TMTC1: variants seen among roughly 807,000 people sequenced by gnomAD.
The protein encoded by TMTC1 is transmembrane O-mannosyltransferase targeting cadherins 1, also known as protein O-mannosyl-transferase TMTC1.
TMTC1 carries 73 observed loss-of-function variants against 104.8 expected under a neutral mutation model. That is an observed-to-expected ratio of 0.70 (90% CI 0.58 to 0.85). The LOEUF (loss-of-function observed/expected upper bound fraction) is 0.85. TMTC1 is among the 40% of genes least tolerant of loss of function. The probability of loss-of-function intolerance (pLI) is 0.00; values close to 1 mark genes in which losing one functional copy is unlikely to be tolerated. For synonymous variants in TMTC1, 434 were observed against 428.7 expected (o/e 1.01, Z -0.15); for missense variants, 1,035 against 1,096.1 (o/e 0.94, Z 0.79).
At chr12:29,758,807 C>T in intron 2 of TMTC1, 30 bp from the exon 3 acceptor site, 2 of 1,566,662 alleles carry the variant, frequency 1.3e-6, no homozygotes, top group Non-Finnish European at 1.7e-6. Context: ...AAAAATGAAA[C>T]TTCAGACAAT....
intron 2 of TMTC1, among the ~76,000 whole-genome samples, chr12:29,766,067 T>A (rs1943456465): frequency 1.3e-5 from 2 of 152,238 alleles, no homozygotes; most frequent in African/African-American, 4.8e-5. Flanking sequence ...AGAAAAGCTT[T>A]ACTGAGACTC....
At chr12:29,557,574 C>T (rs1345777847) in intron 9 of TMTC1, among the ~76,000 whole-genome samples, 1 of 152,236 alleles carries the variant, frequency 6.6e-6, no homozygotes, top group East Asian at 1.9e-4. Flanking sequence ...CTCAGCCTCC[C>T]AAGTAGCTGG....
At chr12:29,777,987 G>A (rs958794142) in intron 1 of TMTC1, among the ~76,000 whole-genome samples, 1 of 152,132 alleles carries the variant, frequency 6.6e-6, no homozygotes, top group African/African-American at 2.4e-5. Flanking sequence ...TTATTTTCAT[G>A]GTTGGCATAC....
At chr12:29,748,607 G>T (rs1311147418) in intron 5 of TMTC1, among the ~76,000 whole-genome samples, 1 of 152,180 alleles carries the variant, frequency 6.6e-6, no homozygotes, top group African/African-American at 2.4e-5. Flanking sequence ...ATAGCAATGG[G>T]AGTTACAACA....
rs1943607320 is a variant in TMTC1 at position 29,502,110 on chromosome 12, C to G, written c.*4736G>C. ...ACTGCAACCTCAATGCTAGATTTGA[C>G]AGGTACTTAATTCTTTTTAAATGTC... On this transcript the variant is annotated 3_prime_UTR_variant, in exon 18 of 18. Transcript: ENST00000539277. 1 of 152,096 alleles carries G rather than the reference C, an allele frequency of 6.6e-6. No individual in the cohort carries two copies. The highest frequency in any genetic ancestry group is 2.1e-4 in the South Asian group (1 of 4,834). The allele number at this position is 152,096 out of a possible 1,614,324, so 9.4% of individuals were successfully genotyped here.
intron 1 of TMTC1, among the ~76,000 whole-genome samples, chr12:29,780,208 T>C (rs1229633241): frequency 6.6e-6 from 1 of 152,198 alleles, no homozygotes; most frequent in Non-Finnish European, 1.5e-5. Context: ...TGAATTTTTA[T>C]AGCAGCTTTA....
In TMTC1 at chr12:29,562,218, G is replaced by A. The variant is rs191597060; in HGVS notation, c.1533-5218C>T. ...AGTTTTACCACTTTCATCTTGCACCGTACTCCTTCTGATCCATTACAGATA... is the reference window on the plus strand; with the variant it reads ...AGTTTTACCACTTTCATCTTGCACCATACTCCTTCTGATCCATTACAGATA... On this transcript the variant is annotated intron_variant, in intron 9 of 17. Coordinates refer to ENST00000539277, the MANE Select transcript of TMTC1 (RefSeq NM_001193451.2). Among the ~76,000 whole-genome samples the A allele has an allele frequency of 1.4e-4, 22 of 152,220 alleles. No individual in the cohort carries two copies. The East Asian group carries it at 2.5e-3, about 17-fold the overall frequency.
In TMTC1 at chr12:29,557,000, C is replaced by A; in HGVS notation, c.1533G>T (p.Lys511Asn). 1 of 1,613,634 alleles carries A rather than the reference C, an allele frequency of 6.2e-7. No homozygotes were observed. Among genetic ancestry groups the A allele is most frequent in the Non-Finnish European group, 8.5e-7 (1 of 1,179,892 alleles). Residue 511 changes from lysine (K) to asparagine (N), a missense_variant and splice_region_variant, in exon 10 of 18, where the codon AAG (lysine) becomes AAT (asparagine). Physicochemically the swap from Lys to Asn is moderately conservative, Grantham distance 94. Coordinates refer to ENST00000539277, the MANE Select transcript of TMTC1 (RefSeq NM_001193451.2). ...EAIYHYRTAL[K>N]LYPRHASALN... Reference sequence around the variant, plus strand: ...GCGCACTTGCATGGCGTGGATACAACCTGAAAAGTTAAAAATATTAAGCTG... The same window carrying A: ...GCGCACTTGCATGGCGTGGATACAAACTGAAAAGTTAAAAATATTAAGCTG...
At chr12:29,707,920 C>T (rs1941793286) in intron 5 of TMTC1, among the ~76,000 whole-genome samples, 1 of 152,156 alleles carries the variant, frequency 6.6e-6, no homozygotes, top group South Asian at 2.1e-4. Context: ...TTTCTAGCCC[C>T]TTGACACACA....
At chr12:29,636,740 C>T (rs145274554) in intron 5 of TMTC1, among the ~76,000 whole-genome samples, 53 of 151,704 alleles carry the variant, frequency 3.5e-4, no homozygotes, top group African/African-American at 1.2e-3. Flanking sequence ...ATCTCTTGAA[C>T]CTGGGAGGTG....
intron 5 of TMTC1, among the ~76,000 whole-genome samples, chr12:29,702,592 G>A (rs929701144): frequency 2.0e-5 from 3 of 152,126 alleles, no homozygotes; most frequent in African/African-American, 7.2e-5. Flanking sequence ...CAGAAATGAC[G>A]TTCCACCACC....
At chr12:29,665,998 A>G (rs931575801) in intron 5 of TMTC1, among the ~76,000 whole-genome samples, 2 of 151,930 alleles carry the variant, frequency 1.3e-5, no homozygotes, top group Admixed American at 1.3e-4. Context: ...TGTCCATGCT[A>G]TATTCAGAGT....
At chr12:29,566,366 C>T (rs776765336) in intron 9 of TMTC1, among the ~76,000 whole-genome samples, 8 of 152,088 alleles carry the variant, frequency 5.3e-5, no homozygotes, top group Admixed American at 4.6e-4. Flanking sequence ...TGGTGCAGGG[C>T]GAGCATGGAG....
intron 14 of TMTC1, among the ~76,000 whole-genome samples, chr12:29,517,201 A>C (rs1208242400): frequency 6.6e-6 from 1 of 152,230 alleles, no homozygotes; most frequent in Admixed American, 6.5e-5. Flanking sequence ...TAAATTTTTT[A>C]CTATTCTTGC....
intron 5 of TMTC1, among the ~76,000 whole-genome samples, chr12:29,673,502 G>A (rs1022770495): frequency 1.3e-5 from 2 of 151,930 alleles, no homozygotes; most frequent in Admixed American, 1.3e-4. Context: ...TTTCCTTCTA[G>A]ACCTAAGTGA....
At chr12:29,517,298 C>T (rs889827613) in intron 14 of TMTC1, 129 bp downstream of exon 14, 2 of 974,078 alleles carry the variant, frequency 2.1e-6, no homozygotes, top group African/African-American at 3.2e-5. Flanking sequence ...CTAACATTAG[C>T]TGTATGAATA....
At chr12:29,605,454 T>C (rs4931205) in intron 6 of TMTC1, among the ~76,000 whole-genome samples, 75,613 of 151,052 alleles carry the variant, frequency 0.5, 20,778 homozygotes, top group African/African-American at 0.73. Context: ...AAATAATTAA[T>C]GGATCTATAA....
intron 5 of TMTC1, among the ~76,000 whole-genome samples, chr12:29,638,954 C>T (rs1938700431): frequency 6.6e-6 from 1 of 152,242 alleles, no homozygotes; most frequent in African/African-American, 2.4e-5. Flanking sequence ...CAGGCCTACA[C>T]AGGCATTACC....
Position 29,652,156 on chromosome 12 carries a change from G to A in TMTC1, c.939-18820C>T, listed in dbSNP as rs114081842. Reference sequence around the variant, plus strand: ...AAAAAGGAAAGAAGAGTGGCCATGGGCAGTGTAACAGGGACCAGATGTAGA... The same window carrying A: ...AAAAAGGAAAGAAGAGTGGCCATGGACAGTGTAACAGGGACCAGATGTAGA... On this transcript the variant is annotated intron_variant, in intron 5 of 17. Coordinates refer to ENST00000539277, the MANE Select transcript of TMTC1 (RefSeq NM_001193451.2). Among the ~76,000 whole-genome samples, 215 of 152,322 alleles carry A rather than the reference G, an allele frequency of 1.4e-3. 1 individual carries two copies. Among genetic ancestry groups the A allele is most frequent in the African/African-American group, 4.9e-3 (205 of 41,568 alleles).
Sources: allele counts gnomAD v4.1 joint callset (sites outside exome capture counted in the v4.1 genomes callset), GRCh38; gene constraint gnomAD v4.1.1; transcripts MANE v1.5; gene names NCBI Gene and HGNC (gene_info 2026-07-23, HGNC 2026-07-21).